Variants in AHDC1 observed in about 807,000 individuals in gnomAD.
AHDC1 encodes the protein AT-hook DNA binding motif containing 1.
A neutral mutation model predicts 87.9 loss-of-function variants in AHDC1; 7 were observed. That is an observed-to-expected ratio of 0.08 (90% CI 0.05 to 0.15). The LOEUF is 0.15. Among genes scored for constraint, AHDC1 ranks in the 10% least tolerant of loss-of-function variants. The pLI is 1.00. For synonymous variants in AHDC1, 1,051 were observed against 1,006.8 expected (o/e 1.04, Z -0.83); for missense variants, 1,841 against 2,253.2 (o/e 0.82, Z 3.70).
rs2089354316 is a variant in AHDC1, at chr1:27,595,799, AG to A, written c.-629+7597del. Among the ~76,000 whole-genome samples, 1 of 151,748 alleles carries A rather than the reference AG, an allele frequency of 6.6e-6. No homozygotes were observed. Among genetic ancestry groups the A allele is most frequent in the Non-Finnish European group, 1.5e-5 (1 of 67,948 alleles). On this transcript the variant is annotated intron_variant, in intron 3 of 8. Coordinates refer to ENST00000673934, the MANE Select transcript of AHDC1 (RefSeq NM_001371928.1). The surrounding 1 kb of genome is among the most constrained non-coding windows in gnomAD (Gnocchi z 4.0). ...GGGCTGTAACCAGGTTCCTGGTGTC[AG>A]GGAGGTGTTGCAGGTTGTGGGTAAG...
chr1:27,591,132 A>G (rs939532713), intron 3 of AHDC1, among the ~76,000 whole-genome samples: 2 of 152,214 alleles, frequency 1.3e-5, no homozygotes, highest in Admixed American at 6.5e-5. Flanking sequence ...AATGGGTTCC[A>G]AAGGGAGCGG....
Position 27,573,763 on chromosome 1 carries a change from C to T in AHDC1, c.-628-14880G>A, listed in dbSNP as rs181685203. ...GGGCATCCCTGCCTTTTATTATTTACGTAGATCTCTGCCAGGAAGCCTCTG... is the reference window on the plus strand; with the variant it reads ...GGGCATCCCTGCCTTTTATTATTTATGTAGATCTCTGCCAGGAAGCCTCTG... On this transcript the variant is annotated intron_variant, in intron 3 of 8. Coordinates refer to ENST00000673934, the MANE Select transcript of AHDC1 (RefSeq NM_001371928.1). Among the ~76,000 whole-genome samples, 8 of 152,282 alleles carry T rather than the reference C, an allele frequency of 5.3e-5. No homozygotes were observed. The East Asian group carries it at 1.5e-3, about 29-fold the overall frequency.
chr1:27,542,875 G>A (rs918359710), intron 8 of AHDC1, among the ~76,000 whole-genome samples: 1 of 152,262 alleles, frequency 6.6e-6, no homozygotes, highest in East Asian at 1.9e-4. Context: ...GGAGTGGCAA[G>A]AGATAGGATC....
chr1:27,549,945 C>T lies in AHDC1; in HGVS notation c.2171G>A (p.Arg724His), dbSNP rs2019436148. 6 of 1,613,102 alleles carry T rather than the reference C, an allele frequency of 3.7e-6. No homozygotes were observed. The highest frequency in any genetic ancestry group is 1.1e-5 in the South Asian group (1 of 90,980). Residue 724 changes from arginine (R) to histidine (H), a missense_variant, in exon 8 of 9, where the codon CGC becomes CAC. Arg to His is a conservative substitution (Grantham distance 29). This residue lies in a region of AHDC1 where 236 missense variants were observed against 257.9 expected (regional missense o/e 0.92). Coordinates refer to ENST00000673934, the MANE Select transcript of AHDC1 (RefSeq NM_001371928.1). Reference sequence around the variant, plus strand: ...GTCTACCTCCCCCCGGCCCCGTTTGCGTGGGTGCCCCAACTCAGTAAGGCC... The same window carrying T: ...GTCTACCTCCCCCCGGCCCCGTTTGTGTGGGTGCCCCAACTCAGTAAGGCC... The part of the protein sequence containing the change: ...GPGLTELGHP[R>H]KRGRGEVDAV...
In AHDC1 at chr1:27,548,859, G is replaced by A; in HGVS notation, c.3257C>T (p.Ser1086Phe). The change falls in exon 8 of 9, where the codon TCC (serine) becomes TTC (phenylalanine). Residue 1086 changes from serine to phenylalanine, a missense_variant. By Grantham distance (155) the Ser-to-Phe change is radical. This residue lies in a region of AHDC1 where 378 missense variants were observed against 399.0 expected (regional missense o/e 0.95). Transcript: ENST00000673934. ...ASATSAASAA[S>F]SSSSSFQPSP... The stretch of plus-strand genomic sequence containing the variant: ...GGGCTGGAAGGAGGAGGAGGAGGAG[G>A]AGGCGGCAGAGGCTGCAGAGGTGGC... The A allele has an allele frequency of 6.2e-7, 1 of 1,612,882 alleles. No individual in the cohort carries two copies. Among genetic ancestry groups the A allele is most frequent in the Non-Finnish European group, 8.5e-7 (1 of 1,179,870 alleles).
In AHDC1 at chr1:27,552,029, G is replaced by T. The variant is rs1459958214; in HGVS notation, c.87C>A (p.Pro29=). The part of the protein sequence containing the change: ...PDYLREPKYY[P]GGPPTPRPLL... ...GGGGCCGGGGGGTGGGGGGGCCGCC[G>T]GGGTAGTACTTGGGTTCCCGGAGGT... is the stretch of plus-strand genomic sequence containing the variant. Residue 29 remains proline, a synonymous_variant, in exon 8 of 9, where the codon CCC becomes CCA. Transcript: ENST00000673934. 1.3e-6 allele frequency: 2 copies of T among 1,486,068 alleles called. No homozygotes were observed. The highest frequency in any genetic ancestry group is 8.9e-7 in the Non-Finnish European group (1 of 1,119,608). The allele number at this position is 1,486,068 out of a possible 1,614,324, so 92.1% of individuals were successfully genotyped here. A position where few individuals can be genotyped will look rare whatever the true frequency, so the allele number is the denominator to read the frequency against.
intron 8 of AHDC1, among the ~76,000 whole-genome samples, chr1:27,535,482 G>C (rs1037970326): frequency 6.6e-6 from 1 of 152,164 alleles, no homozygotes; most frequent in Admixed American, 6.5e-5. Context: ...GATGAGTTTA[G>C]TAATTCCTCC....
At chr1:27,544,845 G>A (rs1261126759) in intron 8 of AHDC1, among the ~76,000 whole-genome samples, 3 of 152,188 alleles carry the variant, frequency 2.0e-5, no homozygotes, top group Non-Finnish European at 4.4e-5. Context: ...CTGCTCCACG[G>A]TGGCCTGGGG....
At chr1:27,576,358 G>T (rs2088749569) in intron 3 of AHDC1, among the ~76,000 whole-genome samples, 1 of 152,150 alleles carries the variant, frequency 6.6e-6, no homozygotes, top group African/African-American at 2.4e-5. Flanking sequence ...CCCTCTGCAG[G>T]GAAAGCGTCC....
intron 3 of AHDC1, among the ~76,000 whole-genome samples, chr1:27,577,289 C>T (rs1031882578): frequency 6.6e-6 from 1 of 152,212 alleles, no homozygotes; most frequent in African/African-American, 2.4e-5. Flanking sequence ...TCATTCAGCT[C>T]CTGGTCGGTT....
intron 8 of AHDC1, among the ~76,000 whole-genome samples, chr1:27,535,936 G>A (rs1158410805): frequency 6.6e-6 from 1 of 152,050 alleles, no homozygotes; most frequent in African/African-American, 2.4e-5. Context: ...GACTTCCTAA[G>A]AGCTCCAGTC....
chr1:27,538,400 C>CAA (rs370786800), intron 8 of AHDC1, among the ~76,000 whole-genome samples: 11 of 60,694 alleles, frequency 1.8e-4, no homozygotes, highest in African/African-American at 2.6e-4. Flanking sequence ...AAGACTGTCT[C>CAA]AAAAAAAAAA....
intron 3 of AHDC1, among the ~76,000 whole-genome samples, chr1:27,579,341 A>G (rs1436850487): frequency 6.6e-6 from 1 of 151,950 alleles, no homozygotes; most frequent in Admixed American, 6.6e-5. Context: ...TCACTTTCTC[A>G]TATCTAGACC....
intron 3 of AHDC1, among the ~76,000 whole-genome samples, chr1:27,576,368 C>T (rs556066238): frequency 2.0e-5 from 3 of 152,296 alleles, no homozygotes; most frequent in Admixed American, 1.3e-4. Flanking sequence ...GGAAAGCGTC[C>T]GGACATCTGA....
chr1:27,586,964 C>A (rs565287173), intron 3 of AHDC1, among the ~76,000 whole-genome samples: 1 of 152,178 alleles, frequency 6.6e-6, no homozygotes, highest in Non-Finnish European at 1.5e-5. Context: ...TGTGCTGAGG[C>A]CCTGGCCCCT....
At chr1:27,555,693 G>A (rs2019785049) in intron 5 of AHDC1, among the ~76,000 whole-genome samples, 1 of 152,186 alleles carries the variant, frequency 6.6e-6, no homozygotes, top group Non-Finnish European at 1.5e-5. Flanking sequence ...CACCCACTTG[G>A]AGATGCCCAC....
rs1248377869 is a variant in AHDC1 at position 27,549,506 on chromosome 1, G to A, written c.2610C>T (p.Thr870=). The part of the protein sequence containing the change: ...SRPESRKASG[T]YAGPPTSALP... Reference sequence around the variant, plus strand: ...GGGCACTGGTGGGTGGCCCTGCATAGGTGCCCGATGCCTTCCGGGACTCTG... The same window carrying A: ...GGGCACTGGTGGGTGGCCCTGCATAAGTGCCCGATGCCTTCCGGGACTCTG... The change falls in exon 8 of 9, where the codon ACC becomes ACT. Residue 870 remains threonine (T), a synonymous_variant. Coordinates refer to ENST00000673934, the MANE Select transcript of AHDC1 (RefSeq NM_001371928.1). 2.5e-6 allele frequency: 4 copies of A among 1,613,186 alleles called. No homozygotes were observed. Among genetic ancestry groups the A allele is most frequent in the Non-Finnish European group, 3.4e-6 (4 of 1,179,994 alleles).
intron 8 of AHDC1, among the ~76,000 whole-genome samples, chr1:27,536,677 T>C (rs568086754): frequency 2.0e-5 from 3 of 152,076 alleles, no homozygotes; most frequent in Admixed American, 6.5e-5. Flanking sequence ...TCTATTGCGG[T>C]TGAAGAACAG....
intron 8 of AHDC1, among the ~76,000 whole-genome samples, chr1:27,545,500 C>T (rs532204985): frequency 1.3e-5 from 2 of 152,142 alleles, no homozygotes; most frequent in Admixed American, 1.3e-4. Flanking sequence ...CCAGCCCCCA[C>T]ACCCGTCCAT....
Sources: gnomAD v4.1 joint callset for allele counts (sites outside exome capture counted in the v4.1 genomes callset) on GRCh38, gnomAD v4.1.1 for gene constraint, gnomAD v4.1.1 regional missense constraint, Gnocchi (gnomAD v3.1) non-coding constraint, MANE v1.5 for transcripts, NCBI Gene and HGNC (gene_info 2026-07-23, HGNC 2026-07-21) for gene names.